The following IMPG2 variants were observed in gnomAD, a reference collection of about 807,000 sequenced individuals.
IMPG2 encodes the protein IPM 200.
Under a neutral mutation model 129.2 loss-of-function variants are expected in IMPG2, and 91 were observed. The ratio of observed to expected loss-of-function variants is 0.70; its 90% CI spans 0.59 to 0.84. IMPG2 has a LOEUF of 0.84. Ranked by LOEUF, IMPG2 falls within the 40% of genes least tolerant of loss-of-function variation. The pLI, the probability that IMPG2 is intolerant of heterozygous loss-of-function variation, is 0.00. For missense variants in IMPG2, 1,430 were observed against 1,461.7 expected, an observed-to-expected ratio of 0.98 and a Z score of 0.35; for synonymous variants, 510 against 517.7, an observed-to-expected ratio of 0.99 and a Z score of 0.20.
chr3:101,223,695 A>G lies in IMPG2; in HGVS notation c.*3274T>C, dbSNP rs1482471786. The G allele has an allele frequency of 6.6e-6, 1 of 152,240 alleles. No homozygotes were observed. Among genetic ancestry groups the G allele is most frequent in the Non-Finnish European group, 1.5e-5 (1 of 68,036 alleles). 9.4% of individuals were successfully genotyped at this position (152,240 alleles called of 1,614,324 possible). Reference sequence around the variant, plus strand: ...AGGTAATATTAAGTCAGAGTTGTTCAAACACATTACAATTTAGTGTGGCAA... The same window carrying G: ...AGGTAATATTAAGTCAGAGTTGTTCGAACACATTACAATTTAGTGTGGCAA... On this transcript the variant is annotated 3_prime_UTR_variant, in exon 19 of 19. Coordinates refer to ENST00000193391, the MANE Select transcript of IMPG2 (RefSeq NM_016247.4).
Position 101,257,793 on chromosome 3 carries a change from A to G in IMPG2, c.909-20T>C, listed in dbSNP as rs1253150274. The G allele has an allele frequency of 6.2e-7, 1 of 1,612,720 alleles. No homozygotes were observed. On this transcript the variant is annotated intron_variant, in intron 9 of 18. Transcript: ENST00000193391. Reference sequence around the variant, plus strand: ...ACGCCACTATGGATGGAAAGAGAGAACAGGTTAGGTTCAGCTAAGGAAGCA... The same window carrying G: ...ACGCCACTATGGATGGAAAGAGAGAGCAGGTTAGGTTCAGCTAAGGAAGCA...
At chr3:101,283,464 T>C (rs1218773401) in intron 4 of IMPG2, among the ~76,000 whole-genome samples, 1 of 152,220 alleles carries the variant, frequency 6.6e-6, no homozygotes, top group African/African-American at 2.4e-5. Flanking sequence ...CATGTTATAG[T>C]AGAACTAACT....
Position 101,232,454 on chromosome 3 carries a change from T to C in IMPG2, c.3233+327A>G, listed in dbSNP as rs534800362. ...GGTTTCGCCATGTTGGCCAGGATGGTCTCAATCTCCCGACCTCAGGTGATC... is the reference window on the plus strand; with the variant it reads ...GGTTTCGCCATGTTGGCCAGGATGGCCTCAATCTCCCGACCTCAGGTGATC... On this transcript the variant is annotated intron_variant, in intron 15 of 18. Coordinates refer to ENST00000193391, the MANE Select transcript of IMPG2 (RefSeq NM_016247.4). 2.0e-5 allele frequency among the ~76,000 whole-genome samples: 3 copies of C among 152,094 alleles called. No homozygotes were observed. The East Asian group carries it at 5.8e-4, about 30-fold the overall frequency.
intron 7 of IMPG2, 53 bp downstream of exon 7, chr3:101,273,528 G>A: frequency 6.4e-7 from 1 of 1,569,250 alleles, no homozygotes; most frequent in Non-Finnish European, 8.8e-7. Context: ...GTGAATATAG[G>A]AAACTAACAT....
intron 14 of IMPG2, 23 bp from the exon 15 acceptor site, chr3:101,233,014 A>G (rs1706307540): frequency 6.2e-7 from 1 of 1,610,308 alleles, no homozygotes; most frequent in African/African-American, 1.3e-5. Flanking sequence ...ACAAAGAATA[A>G]TGCAAGAAAA....
chr3:101,253,901 G>A lies in IMPG2; in HGVS notation c.1154-120C>T, dbSNP rs188403908. On this transcript the variant is annotated intron_variant, in intron 10 of 18. Coordinates refer to ENST00000193391, the MANE Select transcript of IMPG2 (RefSeq NM_016247.4). ...TGTTTAGATTTTGGCAGAAAATACGGGACACACTTACTTAGAAAATGTTTG... is the reference window on the plus strand; with the variant it reads ...TGTTTAGATTTTGGCAGAAAATACGAGACACACTTACTTAGAAAATGTTTG... 1.0e-4 allele frequency: 71 copies of A among 701,704 alleles called. No homozygotes were observed. In the East Asian group the frequency reaches 1.8e-3, roughly 18 times the overall value. 43.5% of individuals were successfully genotyped at this position (701,704 alleles called of 1,614,324 possible). A position where few individuals can be genotyped will look rare whatever the true frequency, so the allele number is the denominator to read the frequency against.
chr3:101,313,851 CA>C (rs1223881341), intron 2 of IMPG2, among the ~76,000 whole-genome samples: 1 of 151,900 alleles, frequency 6.6e-6, no homozygotes, highest in African/African-American at 2.4e-5. Flanking sequence ...GGAATATACC[CA>C]AAAAAGCTAC....
At chr3:101,281,487 A>C (rs1045871636) in intron 4 of IMPG2, among the ~76,000 whole-genome samples, 2 of 152,214 alleles carry the variant, frequency 1.3e-5, no homozygotes, top group South Asian at 4.1e-4. Context: ...TGATAGCAGG[A>C]GATGTTTAAA....
chr3:101,262,901 AC>A (rs902011066), intron 9 of IMPG2, among the ~76,000 whole-genome samples: 3 of 151,932 alleles, frequency 2.0e-5, no homozygotes, highest in African/African-American at 7.2e-5. Context: ...AGTGGGAGTA[AC>A]CATGCTCAGA....
chr3:101,318,007 G>A (rs1022784774), intron 2 of IMPG2, among the ~76,000 whole-genome samples: 2 of 151,774 alleles, frequency 1.3e-5, no homozygotes, highest in Non-Finnish European at 1.5e-5. Flanking sequence ...ATGGTGGCAT[G>A]TGCCTGTAAT....
intron 3 of IMPG2, among the ~76,000 whole-genome samples, chr3:101,301,702 A>T (rs1486720398): frequency 6.6e-6 from 1 of 152,146 alleles, no homozygotes; most frequent in Non-Finnish European, 1.5e-5. Context: ...TCAGTGTCCT[A>T]CTAATTTTGT....
intron 2 of IMPG2, among the ~76,000 whole-genome samples, chr3:101,309,590 C>T (rs747339365): frequency 1.1e-4 from 16 of 152,056 alleles, no homozygotes; most frequent in East Asian, 1.9e-4. Context: ...GGGGGAACCA[C>T]CCCCCATGAT....
At chr3:101,228,709 A>G in intron 18 of IMPG2, 88 bp downstream of exon 18, 1 of 1,051,250 alleles carries the variant, frequency 9.5e-7, no homozygotes, top group African/African-American at 1.6e-5. Flanking sequence ...CATGGACAGG[A>G]AATTATGTGC....
chr3:101,292,810 C>A (rs1707034407), intron 3 of IMPG2, among the ~76,000 whole-genome samples: 2 of 152,146 alleles, frequency 1.3e-5, no homozygotes, highest in African/African-American at 4.8e-5. Context: ...TAGTCTAAAT[C>A]CTTTATTGTC....
At chr3:101,237,217 T>G (rs1396127766) in intron 14 of IMPG2, among the ~76,000 whole-genome samples, 2 of 152,140 alleles carry the variant, frequency 1.3e-5, no homozygotes, top group Non-Finnish European at 2.9e-5. Context: ...GCAGCCCCAG[T>G]CAGGGGCTTA....
intron 2 of IMPG2, among the ~76,000 whole-genome samples, chr3:101,316,914 C>A (rs2058788455): frequency 1.3e-5 from 2 of 151,954 alleles, no homozygotes; most frequent in Admixed American, 1.3e-4. Context: ...ATACACAAAA[C>A]ACATGCATAA....
At chr3:101,264,938 A>G (rs1469270088) in intron 9 of IMPG2, among the ~76,000 whole-genome samples, 1 of 152,064 alleles carries the variant, frequency 6.6e-6, no homozygotes, top group African/African-American at 2.4e-5. Flanking sequence ...AGGCAATCCC[A>G]TTTACAATAG....
At chr3:101,269,639 C>A in intron 7 of IMPG2, 66 bp from the exon 8 acceptor site, 1 of 938,962 alleles carries the variant, frequency 1.1e-6, no homozygotes, top group Non-Finnish European at 1.7e-6. Context: ...GAAAATAATG[C>A]TTTTAAGAGT....
At chr3:101,308,578 CA>C (rs1158916369) in intron 2 of IMPG2, among the ~76,000 whole-genome samples, 11 of 152,244 alleles carry the variant, frequency 7.2e-5, no homozygotes, top group Non-Finnish European at 1.3e-4. Flanking sequence ...CTGCATAAAG[CA>C]GCAAGGCCCT....
Sources: allele counts gnomAD v4.1 joint callset (sites outside exome capture counted in the v4.1 genomes callset), GRCh38; gene constraint gnomAD v4.1.1; transcripts MANE v1.5; gene names NCBI Gene and HGNC (gene_info 2026-07-23, HGNC 2026-07-21).